The following KCNMB2 variants were observed in gnomAD, a reference collection of about 807,000 sequenced individuals.
KCNMB2 encodes potassium calcium-activated channel subfamily M regulatory beta subunit 2.
In KCNMB2, 9 loss-of-function variants were observed where a neutral mutation model predicts 24.5. The observed-to-expected ratio is 0.37, with a 90% confidence interval of 0.22 to 0.64. KCNMB2 has a LOEUF of 0.64. Ranked by LOEUF, KCNMB2 falls within the 30% of genes least tolerant of loss-of-function variation. KCNMB2 has a pLI of 0.63. For missense variants in KCNMB2, 226 were observed against 284.3 expected (o/e 0.79, Z 1.47); for synonymous variants, 109 against 104.4 (o/e 1.04, Z -0.27).
chr3:178,775,308 G>A (rs566457183), intron 1 of KCNMB2, among the ~76,000 whole-genome samples: 1 of 152,144 alleles, frequency 6.6e-6, no homozygotes, highest in African/African-American at 2.4e-5. Context: ...CACATCTAGT[G>A]TGATATCTGA....
intron 1 of KCNMB2, among the ~76,000 whole-genome samples, chr3:178,805,049 T>G (rs1055975974): frequency 3.3e-5 from 5 of 152,228 alleles, no homozygotes; most frequent in African/African-American, 1.2e-4. Flanking sequence ...TTTAAAGAGA[T>G]AGCAGATTTA....
intron 1 of KCNMB2, among the ~76,000 whole-genome samples, chr3:178,654,801 G>A (rs921697071): frequency 2.0e-5 from 3 of 152,128 alleles, no homozygotes; most frequent in Non-Finnish European, 4.4e-5. Flanking sequence ...TGTTCTTATT[G>A]AAAAATGGTA....
intron 1 of KCNMB2, among the ~76,000 whole-genome samples, chr3:178,633,653 T>C (rs529361781): frequency 6.6e-6 from 1 of 152,300 alleles, no homozygotes; most frequent in African/African-American, 2.4e-5. Context: ...TCTGGGCCTG[T>C]GATGGGAGGG....
At chr3:178,630,017 C>T (rs923546755) in intron 1 of KCNMB2, among the ~76,000 whole-genome samples, 16 of 152,308 alleles carry the variant, frequency 1.1e-4, no homozygotes, top group Admixed American at 9.8e-4. Context: ...CAGTCATGCC[C>T]AATGACAGTT....
rs367851794 is a variant in KCNMB2 at position 178,672,794 on chromosome 3, G to C, written c.-67-134549G>C. Among the ~76,000 whole-genome samples the C allele has an allele frequency of 2.5e-4, 38 of 152,194 alleles. 1 individual carries two copies. In the South Asian group the frequency reaches 7.7e-3, roughly 31 times the overall value. On this transcript the variant is annotated intron_variant, in intron 1 of 4. Coordinates refer to ENST00000452583, the MANE Select transcript of KCNMB2 (RefSeq NM_181361.3). ...TGCAAGATGAGACTTCCAAAACTCT[G>C]GCCTTTTCATTTCCAAAACCGCTCT...
intron 1 of KCNMB2, among the ~76,000 whole-genome samples, chr3:178,674,447 G>A (rs2108586788): frequency 6.6e-6 from 1 of 152,222 alleles, no homozygotes; most frequent in African/African-American, 2.4e-5. Context: ...CAAGATGAAA[G>A]TCTAGAAGAC....
intron 1 of KCNMB2, among the ~76,000 whole-genome samples, chr3:178,729,103 A>G (rs1464278805): frequency 1.3e-5 from 2 of 152,192 alleles, no homozygotes; most frequent in East Asian, 3.8e-4. Flanking sequence ...ACACTGCAAA[A>G]AAAGAAAAAA....
chr3:178,628,113 T>A (rs1237398281), intron 1 of KCNMB2, among the ~76,000 whole-genome samples: 2 of 152,218 alleles, frequency 1.3e-5, no homozygotes, highest in Non-Finnish European at 2.9e-5. Context: ...AACAAACTTC[T>A]AATTATTATT....
chr3:178,740,343 A>G (rs1723454812), intron 1 of KCNMB2, among the ~76,000 whole-genome samples: 1 of 151,866 alleles, frequency 6.6e-6, no homozygotes, highest in Admixed American at 6.6e-5. Flanking sequence ...GATGGTCTCG[A>G]TCTCCTGACC....
At chr3:178,637,405 A>T (rs1719567738) in intron 1 of KCNMB2, among the ~76,000 whole-genome samples, 1 of 152,132 alleles carries the variant, frequency 6.6e-6, no homozygotes, top group Non-Finnish European at 1.5e-5. Flanking sequence ...TCTTGAGGTT[A>T]GGAGTTCCTG....
At chr3:178,724,277 A>G (rs1209945046) in intron 1 of KCNMB2, among the ~76,000 whole-genome samples, 3 of 151,686 alleles carry the variant, frequency 2.0e-5, no homozygotes, top group Non-Finnish European at 4.4e-5. Flanking sequence ...GCATTTTTTC[A>G]CATGTTTGTC....
chr3:178,584,120 AG>A (rs1461958220), intron 1 of KCNMB2, among the ~76,000 whole-genome samples: 1 of 152,230 alleles, frequency 6.6e-6, no homozygotes, highest in East Asian at 1.9e-4. Context: ...CCTAGCTGGC[AG>A]GGCTAACACG....
chr3:178,826,476 G>A (rs1714838489), intron 3 of KCNMB2, among the ~76,000 whole-genome samples: 1 of 152,154 alleles, frequency 6.6e-6, no homozygotes, highest in Non-Finnish European at 1.5e-5. Context: ...TGAATGGATA[G>A]GGAGGCAAAT....
At chr3:178,838,952 A>G (rs570679213) in intron 4 of KCNMB2, among the ~76,000 whole-genome samples, 8 of 152,344 alleles carry the variant, frequency 5.3e-5, no homozygotes, top group African/African-American at 1.7e-4. Flanking sequence ...GAAAATTATA[A>G]TGTTTTGAAG....
intron 1 of KCNMB2, among the ~76,000 whole-genome samples, chr3:178,624,474 G>A (rs1719033327): frequency 6.6e-6 from 1 of 151,784 alleles, no homozygotes; most frequent in Non-Finnish European, 1.5e-5. Context: ...CAACATACTT[G>A]TTGAGACAAC....
chr3:178,597,483 G>A (rs1283403343), intron 1 of KCNMB2, among the ~76,000 whole-genome samples: 1 of 152,124 alleles, frequency 6.6e-6, no homozygotes, highest in Admixed American at 6.6e-5. Flanking sequence ...CATTCCTCAT[G>A]AAATGTGCAC....
intron 4 of KCNMB2, among the ~76,000 whole-genome samples, chr3:178,833,554 A>T (rs180966376): frequency 6.6e-6 from 1 of 152,272 alleles, no homozygotes; most frequent in East Asian, 1.9e-4. Flanking sequence ...ACAATTTTCA[A>T]CGTCAACTCC....
At chr3:178,759,754 C>CTA (rs200103209) in intron 1 of KCNMB2, among the ~76,000 whole-genome samples, 485 of 5,876 alleles carry the variant, frequency 0.083, 177 homozygotes, top group Middle Eastern at 0.67. Flanking sequence ...GAGGATATAT[C>CTA]TATATATATA....
At chr3:178,835,324 A>G (rs1387001069) in intron 4 of KCNMB2, among the ~76,000 whole-genome samples, 1 of 152,136 alleles carries the variant, frequency 6.6e-6, no homozygotes, top group African/African-American at 2.4e-5. Flanking sequence ...AGATACTAGA[A>G]GTTCAAACTA....
Sources: gnomAD v4.1 joint callset for allele counts (sites outside exome capture counted in the v4.1 genomes callset) on GRCh38, gnomAD v4.1.1 for gene constraint, MANE v1.5 for transcripts, NCBI Gene and HGNC (gene_info 2026-07-23, HGNC 2026-07-21) for gene names.